The following PNPLA7 variants were observed in gnomAD, a reference collection of about 807,000 sequenced individuals.
PNPLA7 encodes patatin-like phospholipase domain-containing protein 7.
A neutral mutation model predicts 161.7 loss-of-function variants in PNPLA7; 153 were observed. That is an observed-to-expected ratio of 0.95 (90% confidence interval 0.83 to 1.08). The LOEUF is 1.08. Among genes scored for constraint, PNPLA7 ranks in the 50% least tolerant of loss-of-function variants. PNPLA7 has a pLI of 0.00. For synonymous variants in PNPLA7, 809 were observed against 782.1 expected, an observed-to-expected ratio of 1.03 and a Z score of -0.57; for missense variants, 1,739 against 1,856.6, an observed-to-expected ratio of 0.94 and a Z score of 1.16.
intron 4 of PNPLA7, among the ~76,000 whole-genome samples, chr9:137,545,289 A>G (rs1371833542): frequency 6.6e-6 from 1 of 152,172 alleles, no homozygotes; most frequent in Non-Finnish European, 1.5e-5. Context: ...TAGAGCACAC[A>G]TGCCGGTAAC....
chr9:137,480,301 C>G lies in PNPLA7; in HGVS notation c.2580+11G>C. The G allele has an allele frequency of 6.2e-7, 1 of 1,610,264 alleles. No homozygotes were observed. The highest frequency in any genetic ancestry group is 1.1e-5 in the South Asian group (1 of 90,860). On this transcript the variant is annotated intron_variant, in intron 23 of 34. Transcript: ENST00000406427. ...GCTCTCCCCAGCTCCACCGGCCCTC[C>G]CCGTGCTCACCTCGCCCACTGTGGG...
intron 4 of PNPLA7, among the ~76,000 whole-genome samples, chr9:137,544,453 ACAGACCGCCTCCACTCTGCTC>A (rs1564371503): frequency 1.3e-5 from 2 of 152,142 alleles, no homozygotes; most frequent in African/African-American, 4.8e-5. Flanking sequence ...CCGACACTCA[ACAGACCGCCTCCACTCTGCTC>A]CAGACCACCC....
At chr9:137,494,217 G>A (rs370393273) in intron 19 of PNPLA7, among the ~76,000 whole-genome samples, 17 of 152,222 alleles carry the variant, frequency 1.1e-4, no homozygotes, top group East Asian at 7.7e-4. Flanking sequence ...CTTCCTGGGC[G>A]CTCTCCTCAC....
chr9:137,463,996 G>A (rs1307846365), intron 28 of PNPLA7, 130 bp downstream of exon 28: 4 of 1,053,918 alleles, frequency 3.8e-6, no homozygotes, highest in Non-Finnish European at 5.4e-6. Context: ...TGTCCTCCAT[G>A]GACAAAGCTG....
Position 137,497,286 on chromosome 9 carries a change from C to A in PNPLA7, c.1914G>T (p.Thr638=). ...IYRQGDKSDC[T]YIMLSGRLRS... ...GCAGCCGGCCGCTGAGCATGATGTA[C>A]GTGCAGTCGGACTTGTCCCCCTGCC... Residue 638 remains threonine, a synonymous_variant, in exon 18 of 35, where the codon ACG becomes ACT. Coordinates refer to ENST00000406427, the MANE Select transcript of PNPLA7 (RefSeq NM_001098537.3). 1 of 1,581,868 alleles carries A rather than the reference C, an allele frequency of 6.3e-7. No individual in the cohort carries two copies. Among genetic ancestry groups the A allele is most frequent in the South Asian group, 1.2e-5 (1 of 86,322 alleles).
rs184531201 is a variant in PNPLA7 at position 137,498,092 on chromosome 9, T to C, written c.1889+22A>G. On this transcript the variant is annotated intron_variant, in intron 17 of 34. Transcript: ENST00000406427. Reference sequence around the variant, plus strand: ...ATGCCAGGGCAGCATGGATGCGGAGTGTGTGGCACCCACGGCCTCACCTGT... The same window carrying C: ...ATGCCAGGGCAGCATGGATGCGGAGCGTGTGGCACCCACGGCCTCACCTGT... 3.2e-3 allele frequency: 5,132 copies of C among 1,606,408 alleles called. 4 individuals are homozygous for C. The highest frequency in any genetic ancestry group is 3.9e-3 in the Non-Finnish European group (4,593 of 1,175,170).
rs542111442 is a variant in PNPLA7, at chr9:137,547,794, G to A, written c.31-135C>T. ...GAGACTTCTGGGAAGAAGTGATCTC[G>A]CCCGGGGTGCCGGGGTCCTCTGAGC... On this transcript the variant is annotated intron_variant, in intron 1 of 34. Coordinates refer to ENST00000406427, the MANE Select transcript of PNPLA7 (RefSeq NM_001098537.3). This position sits in a 1 kb window ranked among gnomAD's most constrained non-coding sequence, Gnocchi z 4.6. 8.5e-5 allele frequency: 71 copies of A among 834,100 alleles called. No individual in the cohort carries two copies. The highest frequency in any genetic ancestry group is 6.4e-4 in the African/African-American group (38 of 59,466). The allele number at this position is 834,100 out of a possible 1,614,324, so 51.7% of individuals were successfully genotyped here. A position where few individuals can be genotyped will look rare whatever the true frequency, so the allele number is the denominator to read the frequency against.
At position 137,460,985 on chromosome 9, in the gene PNPLA7, C is replaced by T. The variant is rs532937512; in HGVS notation, c.3842-248G>A. ...AAGGACAAGGAGCGGGCAGACACTC[C>T]TCCCCTTGTCAGCCAAGCACCCTGA... On this transcript the variant is annotated intron_variant, in intron 33 of 34. Coordinates refer to ENST00000406427, the MANE Select transcript of PNPLA7 (RefSeq NM_001098537.3). The T allele has an allele frequency of 1.1e-3, 560 of 498,102 alleles. 2 individuals are homozygous for T. Among genetic ancestry groups the T allele is most frequent in the African/African-American group, 9.7e-3 (503 of 51,742 alleles). 30.9% of individuals were successfully genotyped at this position (498,102 alleles called of 1,614,324 possible). A position where few individuals can be genotyped will look rare whatever the true frequency, so the allele number is the denominator to read the frequency against.
chr9:137,521,978 T>C (rs892787258), intron 9 of PNPLA7, among the ~76,000 whole-genome samples: 1 of 152,178 alleles, frequency 6.6e-6, no homozygotes, highest in African/African-American at 2.4e-5. Flanking sequence ...TACTCCAAAG[T>C]GAGAAGTTTA....
chr9:137,463,929 A>T (rs1831340153), intron 28 of PNPLA7, among the ~76,000 whole-genome samples, 197 bp downstream of exon 28: 1 of 152,120 alleles, frequency 6.6e-6, no homozygotes, highest in South Asian at 2.1e-4. Context: ...CAGCCTTCTG[A>T]GGTCTCTGGC....
Position 137,460,720 on chromosome 9 carries a change from T to C in PNPLA7, c.3859A>G (p.Thr1287Ala). Residue 1287 changes from threonine to alanine, a missense_variant, in exon 34 of 35, where the codon ACG (threonine) becomes GCG (alanine). Thr to Ala is a moderately conservative substitution (Grantham distance 58). Transcript: ENST00000406427. ...AMVDDESDYQ[T>A]EYEEELLDVP... Reference sequence around the variant, plus strand: ...TCCAGCAGCTCCTCCTCGTACTCCGTCTGGTAGTCAGATTCGTCTGGCACC... The same window carrying C: ...TCCAGCAGCTCCTCCTCGTACTCCGCCTGGTAGTCAGATTCGTCTGGCACC... 2 of 1,612,716 alleles carry C rather than the reference T, an allele frequency of 1.2e-6. No individual in the cohort carries two copies. The highest frequency in any genetic ancestry group is 1.7e-6 in the Non-Finnish European group (2 of 1,179,874).
chr9:137,463,111 T>C (rs1185179545), intron 29 of PNPLA7: 1 of 594,588 alleles, frequency 1.7e-6, no homozygotes, highest in Non-Finnish European at 3.0e-6. Context: ...AGTTTCTGAC[T>C]GTGGGCACAG....
intron 8 of PNPLA7, among the ~76,000 whole-genome samples, chr9:137,527,709 T>C (rs563302756): frequency 6.6e-6 from 1 of 152,362 alleles, no homozygotes; most frequent in Admixed American, 6.5e-5. Flanking sequence ...GTTTGAAATT[T>C]TCCTTTCTTG....
At position 137,463,543 on chromosome 9, in the gene PNPLA7, GC is replaced by G. The variant is rs2132059797; in HGVS notation, c.3227-13del. On this transcript the variant is annotated splice_polypyrimidine_tract_variant and intron_variant, in intron 28 of 34. Coordinates refer to ENST00000406427, the MANE Select transcript of PNPLA7 (RefSeq NM_001098537.3). ...CCACCACAGGGAGCCTGGGGAGGGG[GC>G]CCGGAGCTGCTGGTTACCCGGAGGA... 1 of 1,556,284 alleles carries G rather than the reference GC, an allele frequency of 6.4e-7. No homozygotes were observed. The highest frequency in any genetic ancestry group is 1.4e-5 in the African/African-American group (1 of 73,938).
chr9:137,482,629 C>T (rs1265438863), intron 21 of PNPLA7, among the ~76,000 whole-genome samples: 2 of 152,334 alleles, frequency 1.3e-5, no homozygotes, highest in East Asian at 3.9e-4. Flanking sequence ...ACAGAGTGGC[C>T]CCGTGTGGTG....
chr9:137,478,309 C>A, intron 24 of PNPLA7, 157 bp from the exon 25 acceptor site: 1 of 494,234 alleles, frequency 2.0e-6, no homozygotes, highest in Non-Finnish European at 3.2e-6. Flanking sequence ...TACGACTGGT[C>A]AGCACCTCAG....
chr9:137,503,200 G>A (rs1588621899), intron 14 of PNPLA7, among the ~76,000 whole-genome samples: 1 of 152,006 alleles, frequency 6.6e-6, no homozygotes, highest in South Asian at 2.1e-4. Context: ...TGGGAAACAT[G>A]GCAAAACCCC....
chr9:137,479,034 C>G (rs754299753), intron 24 of PNPLA7, 22 bp downstream of exon 24: 4 of 1,531,190 alleles, frequency 2.6e-6, no homozygotes, highest in Middle Eastern at 2.3e-4. Context: ...CACGGGCAGG[C>G]AGCCTCCTCT....
intron 12 of PNPLA7, among the ~76,000 whole-genome samples, chr9:137,512,684 T>C (rs926187558): frequency 3.3e-5 from 5 of 152,160 alleles, no homozygotes; most frequent in Admixed American, 6.5e-5. Context: ...CTCATGCCTG[T>C]TTCCCAACAG....
Sources: gnomAD v4.1 joint callset for allele counts (sites outside exome capture counted in the v4.1 genomes callset) on GRCh38, gnomAD v4.1.1 for gene constraint, Gnocchi (gnomAD v3.1) non-coding constraint, MANE v1.5 for transcripts, NCBI Gene and HGNC (gene_info 2026-07-23, HGNC 2026-07-21) for gene names.